The following GABRB2 variants were observed in gnomAD, a reference collection of about 807,000 sequenced individuals.
GABRB2 encodes gamma-aminobutyric acid type A receptor subunit beta2.
A neutral mutation model predicts 54.7 loss-of-function variants in GABRB2; 16 were observed. The observed-to-expected ratio is 0.29, with a 90% CI of 0.20 to 0.44. The LOEUF (loss-of-function observed/expected upper bound fraction) is 0.44. GABRB2 is among the 20% of genes least tolerant of loss of function. The pLI is 1.00. For synonymous variants in GABRB2, 244 were observed against 233.8 expected (o/e 1.04, Z -0.40); for missense variants, 355 against 644.0 (o/e 0.55, Z 4.86).
chr5:161,378,780 A>G (rs936583880), intron 5 of GABRB2, among the ~76,000 whole-genome samples: 10 of 152,224 alleles, frequency 6.6e-5, no homozygotes, highest in African/African-American at 2.4e-4. Flanking sequence ...ATAACACAAT[A>G]AAGAGTATAT....
intron 9 of GABRB2, among the ~76,000 whole-genome samples, chr5:161,320,782 G>A (rs1401630325): frequency 6.6e-6 from 1 of 151,724 alleles, no homozygotes; most frequent in Non-Finnish European, 1.5e-5. Flanking sequence ...TAGATGAGTT[G>A]ATATATGCTC....
At chr5:161,525,772 T>A (rs1760258682) in intron 3 of GABRB2, among the ~76,000 whole-genome samples, 1 of 151,396 alleles carries the variant, frequency 6.6e-6, no homozygotes, top group Admixed American at 6.6e-5. Context: ...TATTTTACCT[T>A]ATATCCCATC....
chr5:161,454,926 T>C (rs970518685), intron 4 of GABRB2, among the ~76,000 whole-genome samples: 1 of 152,232 alleles, frequency 6.6e-6, no homozygotes, highest in African/African-American at 2.4e-5. Context: ...ATGATTTTCA[T>C]ACTGAAAAGC....
intron 3 of GABRB2, among the ~76,000 whole-genome samples, chr5:161,507,217 G>A (rs1472912577): frequency 6.6e-6 from 1 of 151,932 alleles, no homozygotes; most frequent in Non-Finnish European, 1.5e-5. Context: ...GTAGTATCCT[G>A]GATAGGGTAC....
intron 5 of GABRB2, among the ~76,000 whole-genome samples, chr5:161,383,216 C>A (rs965267167): frequency 3.9e-5 from 6 of 152,108 alleles, no homozygotes; most frequent in African/African-American, 1.4e-4. Flanking sequence ...CAAAACTTTT[C>A]CATCTCATAC....
chr5:161,536,285 A>G lies in GABRB2; in HGVS notation c.237+8942T>C, dbSNP rs559179473. On this transcript the variant is annotated intron_variant, in intron 3 of 9. Transcript: ENST00000393959. ...AGAGGAGAAACGGAAGGGGGATGAGAGGAGAAACCGAAGGAGGAAAAGAGG... is the reference window on the plus strand; with the variant it reads ...AGAGGAGAAACGGAAGGGGGATGAGGGGAGAAACCGAAGGAGGAAAAGAGG... Among the ~76,000 whole-genome samples, 261 of 152,246 alleles carry G rather than the reference A, an allele frequency of 1.7e-3. 1 individual carries two copies. Among genetic ancestry groups the G allele is most frequent in the African/African-American group, 6.0e-3 (249 of 41,530 alleles).
In GABRB2 at chr5:161,425,351, T is replaced by G. The variant is rs73800506; in HGVS notation, c.459-14294A>C. 5.2e-3 allele frequency among the ~76,000 whole-genome samples: 796 copies of G among 152,106 alleles called. 12 individuals carry two copies. Among genetic ancestry groups the G allele is most frequent in the African/African-American group, 0.017 (718 of 41,524 alleles). On this transcript the variant is annotated intron_variant, in intron 4 of 9. Coordinates refer to ENST00000393959, the MANE Select transcript of GABRB2 (RefSeq NM_001371727.1). Reference sequence around the variant, plus strand: ...TGACAAACTTCATTGTTGTCTTATTTTAATAAATTGTTCCAGACACCCCAA... The same window carrying G: ...TGACAAACTTCATTGTTGTCTTATTGTAATAAATTGTTCCAGACACCCCAA...
intron 5 of GABRB2, among the ~76,000 whole-genome samples, chr5:161,346,505 T>C (rs1055166432): frequency 6.6e-6 from 1 of 152,054 alleles, no homozygotes; most frequent in Non-Finnish European, 1.5e-5. Context: ...TAATAAGAGG[T>C]AACAGAGAAA....
intron 5 of GABRB2, among the ~76,000 whole-genome samples, chr5:161,370,184 A>G (rs1372910766): frequency 2.0e-5 from 3 of 152,202 alleles, no homozygotes; most frequent in African/African-American, 7.2e-5. Context: ...CTTTTCAAAA[A>G]TGAAATAGCA....
intron 3 of GABRB2, among the ~76,000 whole-genome samples, chr5:161,529,090 G>A (rs1184281321): frequency 6.6e-6 from 1 of 151,488 alleles, no homozygotes; most frequent in East Asian, 1.9e-4. Flanking sequence ...GGATTTTTGG[G>A]GCAAGAATTG....
intron 5 of GABRB2, among the ~76,000 whole-genome samples, chr5:161,399,377 G>A (rs1024692617): frequency 3.9e-5 from 6 of 152,000 alleles, no homozygotes; most frequent in East Asian, 3.9e-4. Context: ...TCCAGACTCC[G>A]CCAGTCAGAT....
At chr5:161,507,405 C>A (rs1449596047) in intron 3 of GABRB2, among the ~76,000 whole-genome samples, 4 of 151,960 alleles carry the variant, frequency 2.6e-5, no homozygotes, top group Non-Finnish European at 5.9e-5. Flanking sequence ...TCAGAGGAAG[C>A]TAAGTGAAGG....
At chr5:161,305,305 C>T (rs1486290742) in intron 9 of GABRB2, among the ~76,000 whole-genome samples, 5 of 152,088 alleles carry the variant, frequency 3.3e-5, no homozygotes, top group Admixed American at 3.3e-4. Context: ...CGTGAGCCAC[C>T]ACGCCCGGCC....
At chr5:161,400,868 G>A (rs1383159047) in intron 5 of GABRB2, among the ~76,000 whole-genome samples, 1 of 152,154 alleles carries the variant, frequency 6.6e-6, no homozygotes, top group East Asian at 1.9e-4. Context: ...TTACACGTGA[G>A]GGATTGGAAG....
At chr5:161,456,625 T>C (rs1242696079) in intron 4 of GABRB2, among the ~76,000 whole-genome samples, 1 of 152,198 alleles carries the variant, frequency 6.6e-6, no homozygotes, top group Non-Finnish European at 1.5e-5. Flanking sequence ...AGTTCCCTCA[T>C]TTCTTCATGT....
Position 161,503,247 on chromosome 5 carries a change from A to C in GABRB2, c.237+41980T>G, listed in dbSNP as rs527776852. Among the ~76,000 whole-genome samples the C allele has an allele frequency of 6.6e-5, 10 of 152,246 alleles. No individual in the cohort carries two copies. The East Asian group carries it at 1.7e-3, about 26-fold the overall frequency. On this transcript the variant is annotated intron_variant, in intron 3 of 9. Coordinates refer to ENST00000393959, the MANE Select transcript of GABRB2 (RefSeq NM_001371727.1). ...TGTATAATAAGATAACAGATGGGAAATCTCAGCAGAGATATAGAAACTATT... is the reference window on the plus strand; with the variant it reads ...TGTATAATAAGATAACAGATGGGAACTCTCAGCAGAGATATAGAAACTATT...
At chr5:161,431,565 A>G (rs996951183) in intron 4 of GABRB2, among the ~76,000 whole-genome samples, 2 of 152,230 alleles carry the variant, frequency 1.3e-5, no homozygotes, top group African/African-American at 4.8e-5. Flanking sequence ...ACAATAAATA[A>G]CATGTTAAAT....
At chr5:161,459,433 G>C in intron 4 of GABRB2, 191 bp downstream of exon 4, 2 of 604,074 alleles carry the variant, frequency 3.3e-6, no homozygotes, top group Non-Finnish European at 5.9e-6. Flanking sequence ...GAAAAATGTA[G>C]TCTTAGCTGA....
rs1156403593 is a variant in GABRB2 at position 161,292,144 on chromosome 5, G to A, written c.*1937C>T. ...TTTGGGGCAAATTCAGAAAGCTGAA[G>A]GATAAAGGTTTGTTGTTGTTCTTGG... On this transcript the variant is annotated 3_prime_UTR_variant, in exon 10 of 10. Transcript: ENST00000393959. The A allele has an allele frequency of 1.3e-5, 2 of 152,142 alleles. No individual in the cohort carries two copies. The highest frequency in any genetic ancestry group is 2.9e-5 in the Non-Finnish European group (2 of 68,008). 9.4% of individuals were successfully genotyped at this position (152,142 alleles called of 1,614,324 possible).
Sources: gnomAD v4.1 joint callset for allele counts (sites outside exome capture counted in the v4.1 genomes callset) on GRCh38, gnomAD v4.1.1 for gene constraint, MANE v1.5 for transcripts, NCBI Gene and HGNC (gene_info 2026-07-23, HGNC 2026-07-21) for gene names.